Variants in G3BP1 observed in about 807,000 individuals in gnomAD.
The protein encoded by G3BP1 is G3BP stress granule assembly factor 1.
In G3BP1, 35 loss-of-function variants were observed where a neutral mutation model predicts 58.6. The ratio of observed to expected loss-of-function variants is 0.60; its 90% confidence interval spans 0.46 to 0.79. The LOEUF is 0.79. Among genes scored for constraint, G3BP1 ranks in the 30% least tolerant of loss-of-function variants. The probability of loss-of-function intolerance (pLI) is 0.00; values close to 1 mark genes in which losing one functional copy is unlikely to be tolerated. For synonymous variants in G3BP1, 191 were observed against 195.4 expected (o/e 0.98, Z 0.19); for missense variants, 523 against 580.8 (o/e 0.90, Z 1.02).
chr5:151,803,571 C>G (rs1762892555), intron 11 of G3BP1, among the ~76,000 whole-genome samples: 1 of 152,074 alleles, frequency 6.6e-6, no homozygotes, highest in Non-Finnish European at 1.5e-5. Flanking sequence ...TGGCTCACTG[C>G]AACCTCCGCC....
chr5:151,784,005 C>A (rs1762516289), intron 1 of G3BP1, among the ~76,000 whole-genome samples: 1 of 152,186 alleles, frequency 6.6e-6, no homozygotes, highest in South Asian at 2.1e-4. Flanking sequence ...CTGTGATCCG[C>A]TCGCCTCGGC....
At chr5:151,788,048 C>T (rs1762580786) in intron 2 of G3BP1, among the ~76,000 whole-genome samples, 2 of 151,888 alleles carry the variant, frequency 1.3e-5, no homozygotes, top group African/African-American at 4.8e-5. Flanking sequence ...CCTCAGCCTC[C>T]TGAGTAGCTG....
intron 4 of G3BP1, chr5:151,792,180 G>T (rs1298744352): frequency 4.4e-6 from 2 of 455,522 alleles, no homozygotes; most frequent in Non-Finnish European, 8.8e-6. Flanking sequence ...GTTTTCTTCC[G>T]GATTGGTCTA....
At position 151,773,616 on chromosome 5, in the gene G3BP1, C is replaced by T. The variant is rs186955308; in HGVS notation, c.-50+1580C>T. The stretch of plus-strand genomic sequence containing the variant: ...AATCTTCTATGTTATAGAAACACTT[C>T]TATAAACATAAAGATTTCTATAATC... On this transcript the variant is annotated intron_variant, in intron 1 of 11. Transcript: ENST00000356245. Among the ~76,000 whole-genome samples the T allele has an allele frequency of 9.9e-4, 151 of 152,262 alleles. No homozygotes were observed. The East Asian group carries it at 0.01, about 10-fold the overall frequency.
At chr5:151,800,935 T>TA (rs1762840067) in intron 11 of G3BP1, 66 bp downstream of exon 11, 2 of 767,656 alleles carry the variant, frequency 2.6e-6, no homozygotes, top group African/African-American at 1.8e-5. Flanking sequence ...CTTTAGAATA[T>TA]ATCTTTACAG....
intron 1 of G3BP1, among the ~76,000 whole-genome samples, chr5:151,783,320 T>C (rs1356072859): frequency 1.3e-5 from 2 of 152,210 alleles, no homozygotes; most frequent in Non-Finnish European, 2.9e-5. Context: ...GAGATGACAA[T>C]TTTTTAGGAT....
chr5:151,784,391 G>A (rs937999424), intron 1 of G3BP1, among the ~76,000 whole-genome samples: 7 of 152,158 alleles, frequency 4.6e-5, no homozygotes, highest in Non-Finnish European at 7.3e-5. Context: ...TGGAAAACCT[G>A]CTAAGTCAGT....
Position 151,810,934 on chromosome 5 carries a change from C to T in G3BP1, c.*6843C>T, listed in dbSNP as rs1375866428. On this transcript the variant is annotated 3_prime_UTR_variant, in exon 12 of 12. Transcript: ENST00000356245. ...CTTCCTGATTGTGCCTAGTATATCCCAGACAGTTTGTTTCTATGCAGAAGA... is the reference window on the plus strand; with the variant it reads ...CTTCCTGATTGTGCCTAGTATATCCTAGACAGTTTGTTTCTATGCAGAAGA... 1 of 152,130 alleles carries T rather than the reference C, an allele frequency of 6.6e-6. No homozygotes were observed. Among genetic ancestry groups the T allele is most frequent in the East Asian group, 1.9e-4 (1 of 5,196 alleles). The allele number at this position is 152,130 out of a possible 1,614,324, so 9.4% of individuals were successfully genotyped here. A position where few individuals can be genotyped will look rare whatever the true frequency, so the allele number is the denominator to read the frequency against.
chr5:151,790,325 T>G lies in G3BP1; in HGVS notation c.98T>G (p.Phe33Cys). 1 of 1,523,582 alleles carries G rather than the reference T, an allele frequency of 6.6e-7. No homozygotes were observed. The allele number at this position is 1,523,582 out of a possible 1,614,324, so 94.4% of individuals were successfully genotyped here. A position where few individuals can be genotyped will look rare whatever the true frequency, so the allele number is the denominator to read the frequency against. The change falls in exon 3 of 12, where the codon TTT becomes TGT. Residue 33 changes from phenylalanine to cysteine, a missense_variant and splice_region_variant. Coordinates refer to ENST00000356245, the MANE Select transcript of G3BP1 (RefSeq NM_005754.3). The stretch of plus-strand genomic sequence containing the variant: ...TAAATCATCTTCCCATTTTACAGAT[T>G]TTATGGAAAGAACTCTTCTTATGTC... ...LNQAPDMLHR[F>C]YGKNSSYVHG...
rs113437357 is a variant in G3BP1 at position 151,789,595 on chromosome 5, A to T, written c.96-728A>T. Among the ~76,000 whole-genome samples, 1,249 of 152,362 alleles carry T rather than the reference A, an allele frequency of 8.2e-3. 11 individuals carry two copies. The highest frequency in any genetic ancestry group is 0.012 in the Admixed American group (189 of 15,312). ...ACTTCTAAAACCACTTGCATGAACT[A>T]GGTGTTTAAGGGGAACCGCTCACGC... is the stretch of plus-strand genomic sequence containing the variant. On this transcript the variant is annotated intron_variant, in intron 2 of 11. Coordinates refer to ENST00000356245, the MANE Select transcript of G3BP1 (RefSeq NM_005754.3).
intron 1 of G3BP1, among the ~76,000 whole-genome samples, chr5:151,774,005 G>T (rs904573537): frequency 3.9e-5 from 6 of 152,118 alleles, no homozygotes; most frequent in African/African-American, 1.2e-4. Flanking sequence ...TTATCACTTG[G>T]GCAGGAACAT....
chr5:151,786,471 T>A, intron 1 of G3BP1, 101 bp from the exon 2 acceptor site: 1 of 652,028 alleles, frequency 1.5e-6, no homozygotes, highest in Non-Finnish European at 2.8e-6. Flanking sequence ...TTTGTTTTTA[T>A]GATGTTTGTT....
intron 1 of G3BP1, chr5:151,772,280 A>G (rs1177373157): frequency 6.6e-6 from 1 of 151,344 alleles, no homozygotes; most frequent in Non-Finnish European, 1.5e-5. Context: ...GCTGCGTCCA[A>G]CGGCCTCGCG....
intron 1 of G3BP1, among the ~76,000 whole-genome samples, chr5:151,778,126 A>G (rs971926984): frequency 2.0e-5 from 3 of 152,146 alleles, no homozygotes; most frequent in African/African-American, 7.2e-5. Flanking sequence ...TAATAGGGGA[A>G]TGTTTAGATC....
intron 1 of G3BP1, among the ~76,000 whole-genome samples, chr5:151,773,778 G>A (rs764817001): frequency 2.6e-5 from 4 of 152,146 alleles, no homozygotes; most frequent in Non-Finnish European, 4.4e-5. Context: ...TATGGAATTA[G>A]CATTTTAACT....
intron 1 of G3BP1, among the ~76,000 whole-genome samples, chr5:151,773,930 G>A (rs2113210913): frequency 6.6e-6 from 1 of 152,164 alleles, no homozygotes; most frequent in African/African-American, 2.4e-5. Flanking sequence ...CATTATTGAG[G>A]GAAAATTTCG....
At position 151,794,219 on chromosome 5, in the gene G3BP1, T is replaced by G; in HGVS notation, c.412T>G (p.Phe138Val). 6.2e-7 allele frequency: 1 copy of G among 1,608,368 alleles called. No individual in the cohort carries two copies. The highest frequency in any genetic ancestry group is 8.5e-7 in the Non-Finnish European group (1 of 1,174,820). The change falls in exon 5 of 12, where the codon TTT becomes GTT. Residue 138 changes from phenylalanine to valine, a missense_variant. By Grantham distance (50) the Phe-to-Val change is conservative. Coordinates refer to ENST00000356245, the MANE Select transcript of G3BP1 (RefSeq NM_005754.3). Reference sequence around the variant, plus strand: ...TATCTTCAGATACCAAGATGAGGTCTTTGGTGGGTTTGTCACTGAGCCTCA... The same window carrying G: ...TATCTTCAGATACCAAGATGAGGTCGTTGGTGGGTTTGTCACTGAGCCTCA... ...NDIFRYQDEVFGGFVTEPQEE... is the reference protein window; with the variant it reads ...NDIFRYQDEVVGGFVTEPQEE...
intron 6 of G3BP1, among the ~76,000 whole-genome samples, chr5:151,796,293 G>C (rs1762747604): frequency 1.3e-5 from 2 of 152,170 alleles, no homozygotes; most frequent in South Asian, 2.1e-4. Context: ...TATTGAGACA[G>C]AGTCTTGCTC....
intron 1 of G3BP1, among the ~76,000 whole-genome samples, chr5:151,778,535 G>C (rs1762412846): frequency 6.6e-6 from 1 of 151,968 alleles, no homozygotes; most frequent in Non-Finnish European, 1.5e-5. Flanking sequence ...TCTGCCTCCT[G>C]GGTTTAGGTG....
Sources: allele counts gnomAD v4.1 joint callset (sites outside exome capture counted in the v4.1 genomes callset), GRCh38; gene constraint gnomAD v4.1.1; transcripts MANE v1.5; gene names NCBI Gene and HGNC (gene_info 2026-07-23, HGNC 2026-07-21).